The following ADAMTS2 variants were observed in gnomAD, a reference collection of about 807,000 sequenced individuals.
The protein encoded by ADAMTS2 is ADAM metallopeptidase with thrombospondin type 1 motif 2.
ADAMTS2 carries 50 observed loss-of-function variants against 123.0 expected under a neutral mutation model. That is an observed-to-expected ratio of 0.41 (90% CI 0.32 to 0.51). ADAMTS2 has a LOEUF of 0.51. ADAMTS2 is among the 20% of genes least tolerant of loss of function. The pLI, the probability that ADAMTS2 is intolerant of heterozygous loss-of-function variation, is 0.35. For missense variants in ADAMTS2, 1,494 were observed against 1,705.2 expected, an observed-to-expected ratio of 0.88 and a Z score of 2.18; for synonymous variants, 678 against 695.4, an observed-to-expected ratio of 0.98 and a Z score of 0.39.
chr5:179,233,418 C>A (rs1289146997), intron 3 of ADAMTS2, among the ~76,000 whole-genome samples: 3 of 151,188 alleles, frequency 2.0e-5, no homozygotes, highest in African/African-American at 7.3e-5. Flanking sequence ...TGGTGGCTCA[C>A]GCCTGTAATC....
chr5:179,226,021 G>A (rs1486488094), intron 3 of ADAMTS2, among the ~76,000 whole-genome samples: 1 of 152,116 alleles, frequency 6.6e-6, no homozygotes, highest in Non-Finnish European at 1.5e-5. Context: ...TGTGGGGTCG[G>A]AGCCCCACAG....
intron 10 of ADAMTS2, among the ~76,000 whole-genome samples, chr5:179,146,594 A>G (rs1398874018): frequency 6.6e-6 from 1 of 152,202 alleles, no homozygotes; most frequent in African/African-American, 2.4e-5. Context: ...TGTGTTCATC[A>G]GATTCACTCC....
At chr5:179,266,334 T>C (rs534109785) in intron 3 of ADAMTS2, among the ~76,000 whole-genome samples, 2 of 152,296 alleles carry the variant, frequency 1.3e-5, no homozygotes, top group African/African-American at 4.8e-5. Flanking sequence ...GAAAGTAACC[T>C]GGATGGTCCC....
intron 5 of ADAMTS2, among the ~76,000 whole-genome samples, chr5:179,178,547 A>G (rs576086815): frequency 1.3e-5 from 2 of 152,388 alleles, no homozygotes; most frequent in East Asian, 3.9e-4. Context: ...CCTTTCTGCC[A>G]GGAGAAGTAT....
At chr5:179,134,797 C>T (rs1188720349) in intron 13 of ADAMTS2, among the ~76,000 whole-genome samples, 3 of 62,672 alleles carry the variant, frequency 4.8e-5, no homozygotes, top group Non-Finnish European at 7.7e-5. Flanking sequence ...CCGGCTCCAG[C>T]CCCCAGCTCC....
chr5:179,265,378 C>T (rs34799208), intron 3 of ADAMTS2, among the ~76,000 whole-genome samples: 45,920 of 152,126 alleles, frequency 0.3, 7,390 homozygotes, highest in East Asian at 0.58. Context: ...AAATTTATGT[C>T]GGAGGCACAG....
chr5:179,207,475 T>TCCCCCCCCCCCCCCCCCCCC, intron 4 of ADAMTS2, 38 bp downstream of exon 4: 3 of 588,614 alleles, frequency 5.1e-6, no homozygotes, highest in South Asian at 1.5e-5. Context: ...TGGTTGACCC[T>TCCCCCCCCCCCCCCCCCCCC]CCCCGCCCCA....
chr5:179,168,435 C>T (rs573918704), intron 5 of ADAMTS2, among the ~76,000 whole-genome samples: 1 of 152,310 alleles, frequency 6.6e-6, no homozygotes, highest in South Asian at 2.1e-4. Flanking sequence ...GCAGGCCGCT[C>T]GCCCCCTGGA....
intron 3 of ADAMTS2, among the ~76,000 whole-genome samples, chr5:179,265,225 G>C (rs1586336): frequency 0.3 from 45,978 of 152,202 alleles, 7,419 homozygotes; most frequent in East Asian, 0.58. Flanking sequence ...CTCCGGGTCA[G>C]GCTTGTCACC....
At chr5:179,166,463 C>T (rs1314232932) in intron 5 of ADAMTS2, among the ~76,000 whole-genome samples, 1 of 152,192 alleles carries the variant, frequency 6.6e-6, no homozygotes, top group African/African-American at 2.4e-5. Context: ...CCAGGGCTGT[C>T]AGGAGGCTTG....
At chr5:179,309,785 G>T (rs1029640812) in intron 2 of ADAMTS2, among the ~76,000 whole-genome samples, 2 of 120,044 alleles carry the variant, frequency 1.7e-5, no homozygotes, top group African/African-American at 3.2e-5. Context: ...AAAAAAAAAA[G>T]GCTCTGGCCC....
intron 4 of ADAMTS2, among the ~76,000 whole-genome samples, chr5:179,184,337 C>T (rs1009907868): frequency 1.3e-5 from 2 of 152,138 alleles, no homozygotes; most frequent in African/African-American, 2.4e-5. Context: ...CACGGTGAAA[C>T]CCTCTCTCTA....
At chr5:179,323,100 C>G (rs1484598069) in intron 2 of ADAMTS2, among the ~76,000 whole-genome samples, 1 of 152,234 alleles carries the variant, frequency 6.6e-6, no homozygotes, top group Non-Finnish European at 1.5e-5. Context: ...TCATGGCTGG[C>G]AGGGGCTGCA....
chr5:179,290,554 A>G (rs1409151613), intron 2 of ADAMTS2, among the ~76,000 whole-genome samples: 2 of 152,256 alleles, frequency 1.3e-5, no homozygotes, highest in Non-Finnish European at 2.9e-5. Flanking sequence ...TCTACGTTGC[A>G]TACGGAGGAA....
At chr5:179,123,859 T>C (rs895751451) in intron 19 of ADAMTS2, among the ~76,000 whole-genome samples, 10 of 152,346 alleles carry the variant, frequency 6.6e-5, no homozygotes, top group Admixed American at 2.0e-4. Context: ...GGGTAGTTCA[T>C]ACCAACAGTG....
At chr5:179,268,104 A>G (rs1766423030) in intron 3 of ADAMTS2, among the ~76,000 whole-genome samples, 1 of 152,030 alleles carries the variant, frequency 6.6e-6, no homozygotes, top group South Asian at 2.1e-4. Context: ...AAAAAGTCTG[A>G]TGTCTGGATT....
chr5:179,237,113 AT>A (rs1167125101), intron 3 of ADAMTS2, among the ~76,000 whole-genome samples: 1 of 152,122 alleles, frequency 6.6e-6, no homozygotes, highest in Non-Finnish European at 1.5e-5. Flanking sequence ...ATAAAAAAAA[AT>A]ATGTTGCATG....
At position 179,207,613 on chromosome 5, in the gene ADAMTS2, T is replaced by C; in HGVS notation, c.791A>G (p.Asp264Gly). Residue 264 changes from aspartate to glycine, a missense_variant, in exon 4 of 22, where the codon GAT becomes GGT. This residue lies in a region of ADAMTS2 where 184 missense variants were observed against 152.1 expected (regional missense o/e 1.21). Coordinates refer to ENST00000251582, the MANE Select transcript of ADAMTS2 (RefSeq NM_014244.5). ...RRRARRHAADDDYNIEVLLGV... is the reference protein window; with the variant it reads ...RRRARRHAADGDYNIEVLLGV... ...CAGCAGGACCTCGATGTTGTAGTCA[T>C]CGTCCGCAGCATGCCTGCGTGCCCT... 1 of 1,613,868 alleles carries C rather than the reference T, an allele frequency of 6.2e-7. No individual in the cohort carries two copies. The highest frequency in any genetic ancestry group is 8.5e-7 in the Non-Finnish European group (1 of 1,180,022).
chr5:179,215,577 AG>A (rs1561810092), intron 3 of ADAMTS2, among the ~76,000 whole-genome samples: 1 of 152,236 alleles, frequency 6.6e-6, no homozygotes, highest in African/African-American at 2.4e-5. Context: ...TTAAAAGTTC[AG>A]TAAAGAAATT....
Sources: gnomAD v4.1 joint callset for allele counts (sites outside exome capture counted in the v4.1 genomes callset) on GRCh38, gnomAD v4.1.1 for gene constraint, gnomAD v4.1.1 regional missense constraint, MANE v1.5 for transcripts, NCBI Gene and HGNC (gene_info 2026-07-23, HGNC 2026-07-21) for gene names.